CLSTN2: variants seen among roughly 807,000 people sequenced by gnomAD.
CLSTN2 encodes the protein calsyntenin-2.
CLSTN2 carries 48 observed loss-of-function variants against 101.2 expected under a neutral mutation model. That is an observed-to-expected ratio of 0.47 (90% CI 0.38 to 0.60). The LOEUF is 0.60. CLSTN2 is among the 20% of genes least tolerant of loss of function. The pLI is 0.00. For missense variants in CLSTN2, 1,160 were observed against 1,238.2 expected (o/e 0.94, Z 0.95); for synonymous variants, 481 against 463.6 (o/e 1.04, Z -0.48).
chr3:140,434,224 A>G (rs2107999829), intron 5 of CLSTN2, among the ~76,000 whole-genome samples: 1 of 152,204 alleles, frequency 6.6e-6, no homozygotes, highest in East Asian at 1.9e-4. Flanking sequence ...TGGAGGGAGG[A>G]ACTGGATGGA....
At chr3:139,999,386 T>G (rs2107746796) in intron 1 of CLSTN2, among the ~76,000 whole-genome samples, 1 of 152,288 alleles carries the variant, frequency 6.6e-6, no homozygotes, top group African/African-American at 2.4e-5. Context: ...TGTAAATTTG[T>G]CCAGGGTGAA....
At chr3:140,029,290 C>A (rs1576402203) in intron 1 of CLSTN2, among the ~76,000 whole-genome samples, 1 of 152,262 alleles carries the variant, frequency 6.6e-6, no homozygotes. Context: ...GAAGTGAATT[C>A]TATTCTTTGC....
At chr3:140,379,400 A>G (rs1421781420) in intron 2 of CLSTN2, among the ~76,000 whole-genome samples, 2 of 152,238 alleles carry the variant, frequency 1.3e-5, no homozygotes, top group Non-Finnish European at 2.9e-5. Context: ...AGGAGGAGAC[A>G]GTGACTCTTC....
intron 7 of CLSTN2, among the ~76,000 whole-genome samples, chr3:140,466,311 G>T (rs1049487448): frequency 6.6e-6 from 1 of 152,204 alleles, no homozygotes; most frequent in African/African-American, 2.4e-5. Context: ...GTTAACCTAA[G>T]TAATTTGTAC....
In CLSTN2 at chr3:140,521,213, C is replaced by A. The variant is rs138991061; in HGVS notation, c.1345-11111C>A. Among the ~76,000 whole-genome samples the A allele has an allele frequency of 4.0e-4, 61 of 152,278 alleles. No homozygotes were observed. The East Asian group carries it at 0.011, about 28-fold the overall frequency. ...GCGGTCATTTGGAGGAGAGGAGGCA[C>A]TCTGACTTTTTGAGTTTTCAGCGTT... is the stretch of plus-strand genomic sequence containing the variant. On this transcript the variant is annotated intron_variant, in intron 8 of 16. Transcript: ENST00000458420.
At chr3:140,492,321 C>T (rs913245403) in intron 8 of CLSTN2, among the ~76,000 whole-genome samples, 3 of 151,890 alleles carry the variant, frequency 2.0e-5, no homozygotes, top group South Asian at 4.2e-4. Flanking sequence ...CCTACCCAGC[C>T]GAAAAATACA....
intron 1 of CLSTN2, among the ~76,000 whole-genome samples, chr3:140,107,942 G>A (rs150296330): frequency 7.9e-5 from 12 of 152,140 alleles, no homozygotes; most frequent in African/African-American, 2.7e-4. Flanking sequence ...CTGAGGCAGC[G>A]CCTCCAGCAA....
rs920376694 is a variant in CLSTN2 at position 140,099,309 on chromosome 3, G to GT, written c.110-76637dup. Among the ~76,000 whole-genome samples, 41 of 152,118 alleles carry GT rather than the reference G, an allele frequency of 2.7e-4. 1 individual carries two copies. Among genetic ancestry groups the GT allele is most frequent in the Non-Finnish European group, 5.9e-5 (4 of 68,030 alleles). On this transcript the variant is annotated intron_variant, in intron 1 of 16. Coordinates refer to ENST00000458420, the MANE Select transcript of CLSTN2 (RefSeq NM_022131.3). Reference sequence around the variant, plus strand: ...GGTCCCCGGAAGGCTCTAGGGGAAAGTTTTTCCTGGCTTCTGGTAGCTTTT... The same window carrying GT: ...GGTCCCCGGAAGGCTCTAGGGGAAAGTTTTTTCCTGGCTTCTGGTAGCTTTT...
intron 9 of CLSTN2, among the ~76,000 whole-genome samples, chr3:140,541,958 G>A (rs1202811609): frequency 6.6e-6 from 1 of 152,124 alleles, no homozygotes; most frequent in Non-Finnish European, 1.5e-5. Context: ...CTGCGACAAT[G>A]AGCTAGAAGC....
intron 8 of CLSTN2, among the ~76,000 whole-genome samples, chr3:140,474,025 C>T (rs763414792): frequency 3.3e-5 from 5 of 152,162 alleles, no homozygotes; most frequent in Admixed American, 6.5e-5. Flanking sequence ...CCACCTGCTT[C>T]GGCCTCCCAA....
intron 1 of CLSTN2, among the ~76,000 whole-genome samples, chr3:139,957,780 G>A (rs993057666): frequency 4.6e-5 from 7 of 152,204 alleles, no homozygotes; most frequent in African/African-American, 1.4e-4. Flanking sequence ...TTGGGCACAA[G>A]CTAAGACCAG....
chr3:140,431,851 A>C (rs2107998386), intron 5 of CLSTN2, among the ~76,000 whole-genome samples: 1 of 152,306 alleles, frequency 6.6e-6, no homozygotes, highest in South Asian at 2.1e-4. Flanking sequence ...TGGTTCCCTA[A>C]CTGTAAATTA....
At chr3:140,317,240 C>T (rs752249527) in intron 2 of CLSTN2, among the ~76,000 whole-genome samples, 12 of 152,112 alleles carry the variant, frequency 7.9e-5, no homozygotes, top group Non-Finnish European at 1.6e-4. Flanking sequence ...ATTGTTGCTC[C>T]TTGCATCATC....
chr3:140,414,147 C>A (rs1188520501), intron 4 of CLSTN2, among the ~76,000 whole-genome samples: 2 of 151,676 alleles, frequency 1.3e-5, no homozygotes, highest in African/African-American at 4.8e-5. Context: ...TAGAGAAAAC[C>A]CCAAAGACCC....
At chr3:140,240,164 CTCTCTCTCTCTATATATATA>C (rs2086449098) in intron 2 of CLSTN2, among the ~76,000 whole-genome samples, 1 of 18,008 alleles carries the variant, frequency 5.6e-5, no homozygotes, top group African/African-American at 8.1e-5. Context: ...CTCTCTCTCT[CTCTCTCTCTCTATATATATA>C]TATATATATA....
chr3:139,993,258 T>C (rs1277827799), intron 1 of CLSTN2, among the ~76,000 whole-genome samples: 4 of 152,180 alleles, frequency 2.6e-5, no homozygotes, highest in Admixed American at 2.6e-4. Context: ...TTTGGGCTGA[T>C]GGTCTCTCTC....
chr3:140,271,542 C>G (rs2086741824), intron 2 of CLSTN2, among the ~76,000 whole-genome samples: 1 of 152,110 alleles, frequency 6.6e-6, no homozygotes, highest in African/African-American at 2.4e-5. Flanking sequence ...ATAGATGGCA[C>G]CTGCTGTGTA....
At chr3:140,481,262 C>G (rs146350739) in intron 8 of CLSTN2, among the ~76,000 whole-genome samples, 7 of 151,740 alleles carry the variant, frequency 4.6e-5, no homozygotes, top group East Asian at 1.9e-4. Context: ...GTTGTAGATA[C>G]GTGGCATTAT....
At chr3:140,008,122 A>G (rs986561) in intron 1 of CLSTN2, among the ~76,000 whole-genome samples, 86,650 of 152,120 alleles carry the variant, frequency 0.57, 25,718 homozygotes, top group East Asian at 0.79. Flanking sequence ...ATAACCACAC[A>G]TGAATGCCTG....
Sources: allele counts gnomAD v4.1 joint callset (sites outside exome capture counted in the v4.1 genomes callset), GRCh38; gene constraint gnomAD v4.1.1; transcripts MANE v1.5; gene names NCBI Gene and HGNC (gene_info 2026-07-23, HGNC 2026-07-21).